Variants in SHISAL2B observed in about 807,000 individuals in gnomAD.
SHISAL2B encodes the protein protein shisa-like-2B.
A neutral mutation model predicts 16.5 loss-of-function variants in SHISAL2B; 12 were observed. That is an observed-to-expected ratio of 0.73 (90% CI 0.47 to 1.18). SHISAL2B has a LOEUF of 1.18. SHISAL2B is among the 50% of genes most tolerant of loss of function. The pLI, the probability that SHISAL2B is intolerant of heterozygous loss-of-function variation, is 0.00. For synonymous variants in SHISAL2B, 72 were observed against 75.0 expected, an observed-to-expected ratio of 0.96 and a Z score of 0.21; for missense variants, 183 against 193.6, an observed-to-expected ratio of 0.95 and a Z score of 0.33.
intron 2 of SHISAL2B, among the ~76,000 whole-genome samples, chr5:64,711,251 T>C (rs1407787069): frequency 7.0e-6 from 1 of 143,152 alleles, no homozygotes; most frequent in Non-Finnish European, 1.5e-5. Context: ...GCATGAAGGG[T>C]TGTTGAATTT....
At chr5:64,692,300 C>G (rs116511473) in intron 1 of SHISAL2B, among the ~76,000 whole-genome samples, 20 of 152,244 alleles carry the variant, frequency 1.3e-4, no homozygotes, top group African/African-American at 4.3e-4. Flanking sequence ...TTGAATAGTT[C>G]CAAAGTGACA....
At chr5:64,698,265 C>G (rs1561374614) in intron 2 of SHISAL2B, among the ~76,000 whole-genome samples, 1 of 152,310 alleles carries the variant, frequency 6.6e-6, no homozygotes, top group Non-Finnish European at 1.5e-5. Context: ...CTGCTGTCTG[C>G]TCTCCAGAGC....
intron 2 of SHISAL2B, among the ~76,000 whole-genome samples, chr5:64,711,432 C>T (rs1260444052): frequency 1.8e-4 from 26 of 147,990 alleles, no homozygotes; most frequent in African/African-American, 6.2e-4. Context: ...CTGCTGGATT[C>T]GGTTTGCCAG....
intron 1 of SHISAL2B, among the ~76,000 whole-genome samples, chr5:64,695,082 T>C (rs1181048750): frequency 6.6e-6 from 1 of 152,064 alleles, no homozygotes; most frequent in Admixed American, 6.5e-5. Context: ...CTGGGCAACA[T>C]GGTGAAACCC....
At chr5:64,696,704 C>G (rs549784101) in intron 2 of SHISAL2B, among the ~76,000 whole-genome samples, 2 of 152,254 alleles carry the variant, frequency 1.3e-5, no homozygotes, top group South Asian at 4.2e-4. Flanking sequence ...GAAAAAACCC[C>G]ACCCTGGTGA....
At chr5:64,712,949 G>C (rs529591184) in intron 2 of SHISAL2B, among the ~76,000 whole-genome samples, 1 of 151,882 alleles carries the variant, frequency 6.6e-6, no homozygotes, top group Non-Finnish European at 1.5e-5. Context: ...ATGTGAGATG[G>C]GTTTCCTGAA....
At chr5:64,712,738 A>G (rs1157636159) in intron 2 of SHISAL2B, among the ~76,000 whole-genome samples, 3 of 152,154 alleles carry the variant, frequency 2.0e-5, no homozygotes, top group Non-Finnish European at 4.4e-5. Flanking sequence ...TTGGGTGCAT[A>G]TATATTTAGG....
intron 2 of SHISAL2B, among the ~76,000 whole-genome samples, chr5:64,709,585 T>C (rs1299797239): frequency 2.0e-5 from 3 of 151,478 alleles, no homozygotes; most frequent in Non-Finnish European, 1.5e-5. Context: ...ATGGTATTTC[T>C]AGTTCTAGAT....
chr5:64,694,105 C>G (rs1741694364), intron 1 of SHISAL2B: 1 of 455,420 alleles, frequency 2.2e-6, no homozygotes, highest in African/African-American at 2.0e-5. Context: ...TGTCAGTGTC[C>G]TAATCCCAGA....
At chr5:64,709,455 G>A (rs1364429830) in intron 2 of SHISAL2B, among the ~76,000 whole-genome samples, 2 of 143,934 alleles carry the variant, frequency 1.4e-5, no homozygotes, top group East Asian at 4.1e-4. Context: ...CATTTGGGTT[G>A]GTTCCAAGTC....
intron 2 of SHISAL2B, among the ~76,000 whole-genome samples, chr5:64,716,945 G>C (rs1200384776): frequency 6.6e-6 from 1 of 152,312 alleles, no homozygotes; most frequent in East Asian, 1.9e-4. Context: ...AAGATGGTGA[G>C]AAGTGGTCTG....
intron 2 of SHISAL2B, among the ~76,000 whole-genome samples, chr5:64,699,872 C>T (rs1402076031): frequency 1.3e-5 from 2 of 152,026 alleles, no homozygotes; most frequent in East Asian, 1.9e-4. Context: ...AAGGCTCCAA[C>T]GTTTGGAATG....
At chr5:64,691,167 A>G (rs1468693813) in intron 1 of SHISAL2B, 4 of 258,760 alleles carry the variant, frequency 1.5e-5, no homozygotes, top group Non-Finnish European at 2.9e-5. Context: ...CCAGGCTGAT[A>G]GCCCTACTGG....
chr5:64,706,398 A>G (rs577128819), intron 2 of SHISAL2B, among the ~76,000 whole-genome samples: 1 of 152,350 alleles, frequency 6.6e-6, no homozygotes, highest in Admixed American at 6.5e-5. Flanking sequence ...ATGACTTTGA[A>G]ATAGAATGGG....
At chr5:64,712,855 T>C (rs1156932617) in intron 2 of SHISAL2B, among the ~76,000 whole-genome samples, 1 of 150,094 alleles carries the variant, frequency 6.7e-6, no homozygotes, top group African/African-American at 2.4e-5. Context: ...GAGACTAGGA[T>C]TGCAACCCCT....
intron 1 of SHISAL2B, among the ~76,000 whole-genome samples, chr5:64,691,853 T>A (rs1354165355): frequency 6.6e-6 from 1 of 152,104 alleles, no homozygotes; most frequent in Admixed American, 6.5e-5. Flanking sequence ...GGAGATGGAG[T>A]CTGCTAGTAA....
intron 2 of SHISAL2B, among the ~76,000 whole-genome samples, chr5:64,698,180 C>T (rs149090560): frequency 3.3e-5 from 5 of 152,276 alleles, no homozygotes; most frequent in East Asian, 1.9e-4. Flanking sequence ...ATGTAGAGAG[C>T]TTGTTAAAAA....
At chr5:64,706,536 G>A (rs1741879070) in intron 2 of SHISAL2B, among the ~76,000 whole-genome samples, 1 of 152,120 alleles carries the variant, frequency 6.6e-6, no homozygotes, top group Admixed American at 6.5e-5. Flanking sequence ...TTTGGAGAAA[G>A]CATTTTAGAA....
intron 2 of SHISAL2B, among the ~76,000 whole-genome samples, chr5:64,707,865 C>T (rs945578531): frequency 6.6e-6 from 1 of 152,166 alleles, no homozygotes; most frequent in Non-Finnish European, 1.5e-5. Flanking sequence ...TATTCGTGAA[C>T]ATTTCAGCTC....
Sources: gnomAD v4.1 joint callset for allele counts (sites outside exome capture counted in the v4.1 genomes callset) on GRCh38, gnomAD v4.1.1 for gene constraint, MANE v1.5 for transcripts, NCBI Gene and HGNC (gene_info 2026-07-23, HGNC 2026-07-21) for gene names.